SORBS2: variants seen among roughly 807,000 people sequenced by gnomAD.
The protein encoded by SORBS2 is sorbin and SH3 domain containing 2.
In SORBS2, 46 loss-of-function variants were observed where a neutral mutation model predicts 97.7. The ratio of observed to expected loss-of-function variants is 0.47; its 90% confidence interval spans 0.37 to 0.60. The LOEUF (loss-of-function observed/expected upper bound fraction) is 0.60. Among genes scored for constraint, SORBS2 ranks in the 20% least tolerant of loss-of-function variants. SORBS2 has a pLI of 0.00. For synonymous variants in SORBS2, 476 were observed against 473.4 expected (o/e 1.01, Z -0.07); for missense variants, 1,316 against 1,282.3 (o/e 1.03, Z -0.40).
intron 9 of SORBS2, 185 bp from the exon 22 acceptor site, chr4:185,615,344 A>C: frequency 3.4e-6 from 2 of 581,142 alleles, no homozygotes; most frequent in Non-Finnish European, 6.1e-6. Flanking sequence ...AAAACATTAT[A>C]ACTTTAGAAA....
intron 1 of SORBS2, among the ~76,000 whole-genome samples, chr4:185,883,506 G>A (rs2099237879): frequency 6.6e-6 from 1 of 152,164 alleles, no homozygotes. Flanking sequence ...CCCACTGCTC[G>A]ATTTTTATCC....
At chr4:185,589,354 C>T (rs1243566394) in intron 14 of SORBS2, 4 of 287,130 alleles carry the variant, frequency 1.4e-5, no homozygotes, top group Admixed American at 9.5e-5. Context: ...CAGCACAGAG[C>T]GTTGATATTT....
chr4:185,788,085 G>A (rs1452931496), intron 1 of SORBS2, among the ~76,000 whole-genome samples: 2 of 152,210 alleles, frequency 1.3e-5, no homozygotes, highest in Non-Finnish European at 2.9e-5. Flanking sequence ...GGGCTGTTCC[G>A]TGAGCACCAG....
chr4:185,665,737 G>C, intron 4 of SORBS2: 1 of 1,006,756 alleles, frequency 9.9e-7, no homozygotes, highest in South Asian at 4.1e-5. Flanking sequence ...AATTACATGA[G>C]TGGCCGCAGG....
intron 1 of SORBS2, among the ~76,000 whole-genome samples, chr4:185,784,214 C>T (rs1342235248): frequency 1.3e-5 from 2 of 152,172 alleles, no homozygotes; most frequent in Non-Finnish European, 2.9e-5. Flanking sequence ...TCACTGCAAG[C>T]TCTGCCTCCC....
chr4:185,741,392 T>C (rs2153585244), intron 2 of SORBS2, among the ~76,000 whole-genome samples: 1 of 142,786 alleles, frequency 7.0e-6, no homozygotes, highest in East Asian at 2.1e-4. Flanking sequence ...TTCTTTCTTT[T>C]CTTTTTTTTT....
Position 185,689,624 on chromosome 4 carries a change from C to T in SORBS2, c.-197-10802G>A, listed in dbSNP as rs571893567. Among the ~76,000 whole-genome samples, 378 of 152,308 alleles carry T rather than the reference C, an allele frequency of 2.5e-3. 3 individuals are homozygous for T. Among genetic ancestry groups the T allele is most frequent in the Non-Finnish European group, 4.8e-3 (324 of 68,022 alleles). ...CGCACAGCCTTCTCTGAGGCCACTA[C>T]GGCACATGGCACATGACGCAAGGCT... On this transcript the variant is annotated intron_variant, in intron 2 of 20. Transcript: ENST00000284776.
chr4:185,876,663 T>C (rs2099233856), intron 1 of SORBS2, among the ~76,000 whole-genome samples: 1 of 152,254 alleles, frequency 6.6e-6, no homozygotes, highest in Admixed American at 6.5e-5. Context: ...CCTCCATGTC[T>C]GAATGAGCCC....
chr4:185,822,548 A>G (rs917384704), intron 1 of SORBS2, among the ~76,000 whole-genome samples: 2 of 152,264 alleles, frequency 1.3e-5, no homozygotes, highest in Non-Finnish European at 2.9e-5. Flanking sequence ...GATATTAGAA[A>G]AGACATACGA....
At chr4:185,734,359 T>C (rs567578617) in intron 2 of SORBS2, among the ~76,000 whole-genome samples, 88 of 152,346 alleles carry the variant, frequency 5.8e-4, no homozygotes, top group African/African-American at 1.9e-3. Context: ...GTTTGTTACA[T>C]ACTACAATTA....
At chr4:185,679,703 G>A (rs2097844560) in intron 2 of SORBS2, among the ~76,000 whole-genome samples, 1 of 152,166 alleles carries the variant, frequency 6.6e-6, no homozygotes, top group African/African-American at 2.4e-5. Context: ...AGCCCAACCT[G>A]CTGTCCAGTC....
In SORBS2 at chr4:185,621,997, G is replaced by C. The variant is rs148826301; in HGVS notation, c.2215+917C>G. Among the ~76,000 whole-genome samples the C allele has an allele frequency of 8.3e-3, 1,263 of 152,292 alleles. 18 individuals are homozygous for C. Among genetic ancestry groups the C allele is most frequent in the African/African-American group, 0.029 (1,225 of 41,558 alleles). Reference sequence around the variant, plus strand: ...AAGTTTCTCTGTTGACCAACTTTCAGCCCGGAATGTTCATTCCAGCCTCTT... The same window carrying C: ...AAGTTTCTCTGTTGACCAACTTTCACCCCGGAATGTTCATTCCAGCCTCTT... On this transcript the variant is annotated intron_variant, in intron 7 of 14. Coordinates refer to ENST00000418609, the Ensembl canonical transcript of SORBS2.
rs763640852 is a variant in SORBS2 at position 185,607,321 on chromosome 4, G to T, written c.2796+4459C>A. The T allele has an allele frequency of 5.9e-5, 76 of 1,286,684 alleles. 1 individual carries two copies. The South Asian group carries it at 7.0e-4, about 12-fold the overall frequency. 79.7% of individuals were successfully genotyped at this position (1,286,684 alleles called of 1,614,324 possible). A position where few individuals can be genotyped will look rare whatever the true frequency, so the allele number is the denominator to read the frequency against. On this transcript the variant is annotated intron_variant, in intron 12 of 14. Transcript: ENST00000418609. This position sits in a 1 kb window ranked among gnomAD's most constrained non-coding sequence, Gnocchi z 5.2. ...TGAGCCAGGTGAGACTTTGTGGGTG[G>T]GAGGAGGGGCTGGTTCACTGGAAGC...
At chr4:185,805,966 A>G (rs1157397152) in intron 1 of SORBS2, among the ~76,000 whole-genome samples, 1 of 152,156 alleles carries the variant, frequency 6.6e-6, no homozygotes, top group East Asian at 1.9e-4. Context: ...TAATCTACCA[A>G]AAAGGCTCAT....
At position 185,706,480 on chromosome 4, in the gene SORBS2, G is replaced by A. The variant is rs1008930678; in HGVS notation, c.-197-27658C>T. Among the ~76,000 whole-genome samples, 3 of 152,256 alleles carry A rather than the reference G, an allele frequency of 2.0e-5. No homozygotes were observed. In the South Asian group the frequency reaches 6.2e-4, roughly 32 times the overall value. Reference sequence around the variant, plus strand: ...GGTTGTGTCTCAAGTATACACAAATGGATAAACCACAATCCTTGGTGCATG... The same window carrying A: ...GGTTGTGTCTCAAGTATACACAAATAGATAAACCACAATCCTTGGTGCATG... On this transcript the variant is annotated intron_variant, in intron 2 of 20. Coordinates refer to the SORBS2 transcript ENST00000284776.
intron 2 of SORBS2, among the ~76,000 whole-genome samples, chr4:185,725,011 C>G (rs1028656974): frequency 2.0e-5 from 3 of 152,174 alleles, no homozygotes; most frequent in African/African-American, 4.8e-5. Flanking sequence ...ATCTTTCATG[C>G]TCAGTGTACT....
chr4:185,614,721 A>T, intron 11 of SORBS2, 110 bp downstream of exon 23: 3 of 1,330,274 alleles, frequency 2.3e-6, no homozygotes, highest in Non-Finnish European at 3.1e-6. Flanking sequence ...AAACATAAAA[A>T]TGTCTAAAGA....
chr4:185,698,501 GAAACA>G (rs1288358941), intron 2 of SORBS2, among the ~76,000 whole-genome samples: 4 of 149,814 alleles, frequency 2.7e-5, no homozygotes, highest in Admixed American at 6.7e-5. Context: ...TCAAAAAAAT[GAAACA>G]AAACAAAACA....
intron 2 of SORBS2, among the ~76,000 whole-genome samples, chr4:185,732,396 T>C (rs1321558715): frequency 6.6e-6 from 1 of 152,222 alleles, no homozygotes; most frequent in Non-Finnish European, 1.5e-5. Context: ...TCCAGGCTTA[T>C]GTGGATATTC....
Sources: allele counts gnomAD v4.1 joint callset (sites outside exome capture counted in the v4.1 genomes callset), GRCh38; gene constraint gnomAD v4.1.1; non-coding constraint Gnocchi (gnomAD v3.1); transcripts MANE v1.5; gene names NCBI Gene and HGNC (gene_info 2026-07-23, HGNC 2026-07-21).